Variants in TBCK observed in about 807,000 individuals in gnomAD.
TBCK encodes the protein TBC1 domain containing kinase.
A neutral mutation model predicts 113.4 loss-of-function variants in TBCK; 99 were observed. The observed-to-expected ratio is 0.87, with a 90% CI of 0.74 to 1.03. The LOEUF (loss-of-function observed/expected upper bound fraction) is 1.03, where lower values mean the gene tolerates loss of function less well. TBCK is among the 50% of genes least tolerant of loss of function. TBCK has a pLI of 0.00. For synonymous variants in TBCK, 369 were observed against 370.8 expected (o/e 1.00, Z 0.05); for missense variants, 1,045 against 1,061.3 (o/e 0.98, Z 0.21).
intron 19 of TBCK, among the ~76,000 whole-genome samples, chr4:106,216,845 G>A (rs1325803868): frequency 6.6e-6 from 1 of 150,876 alleles, no homozygotes; most frequent in Admixed American, 6.6e-5. Context: ...GAAAAAGAGG[G>A]AATCCTCCCT....
chr4:106,123,492 T>G (rs1744727239), intron 23 of TBCK, among the ~76,000 whole-genome samples: 1 of 152,116 alleles, frequency 6.6e-6, no homozygotes, highest in African/African-American at 2.4e-5. Flanking sequence ...AAGCTACCAA[T>G]GACTTTCTTC....
At chr4:106,097,524 G>C (rs1741066404) in intron 24 of TBCK, among the ~76,000 whole-genome samples, 1 of 152,140 alleles carries the variant, frequency 6.6e-6, no homozygotes, top group African/African-American at 2.4e-5. Context: ...AGAGGAGAAT[G>C]AGATTGGCCT....
At chr4:106,233,783 G>A in intron 15 of TBCK, 133 bp from the exon 16 acceptor site, 1 of 629,346 alleles carries the variant, frequency 1.6e-6, no homozygotes, top group Non-Finnish European at 2.7e-6. Context: ...TCAAACTCAG[G>A]GTAGAACTCA....
At chr4:106,302,810 A>T (rs1413651117) in intron 2 of TBCK, among the ~76,000 whole-genome samples, 3 of 152,218 alleles carry the variant, frequency 2.0e-5, no homozygotes, top group African/African-American at 7.2e-5. Flanking sequence ...AGGGATTGAA[A>T]ATATCTATTA....
intron 23 of TBCK, among the ~76,000 whole-genome samples, chr4:106,123,890 TA>T: frequency 6.7e-6 from 1 of 150,008 alleles, no homozygotes; most frequent in African/African-American, 2.5e-5. Context: ...CCTAAAACCA[TA>T]AAAACCCTAG....
chr4:106,154,593 T>C (rs1748909125), intron 23 of TBCK, among the ~76,000 whole-genome samples: 1 of 152,096 alleles, frequency 6.6e-6, no homozygotes, highest in Non-Finnish European at 1.5e-5. Context: ...GTCGCAATAG[T>C]GAGTTCTTGT....
At chr4:106,074,606 A>G (rs1737943969) in intron 25 of TBCK, among the ~76,000 whole-genome samples, 1 of 152,250 alleles carries the variant, frequency 6.6e-6, no homozygotes, top group Non-Finnish European at 1.5e-5. Flanking sequence ...TGACTAAAAG[A>G]TTCATGTATT....
intron 25 of TBCK, among the ~76,000 whole-genome samples, chr4:106,093,787 C>G (rs1740594975): frequency 6.6e-6 from 1 of 151,908 alleles, no homozygotes; most frequent in Non-Finnish European, 1.5e-5. Flanking sequence ...GACATGTTTA[C>G]CTATATAACA....
intron 16 of TBCK, 71 bp from the exon 17 acceptor site, chr4:106,233,135 C>T: frequency 7.4e-7 from 1 of 1,348,276 alleles, no homozygotes; most frequent in East Asian, 2.4e-5. Context: ...AATCCTTGTT[C>T]ATTAAATAAG....
chr4:106,176,548 T>C (rs1285717405), intron 22 of TBCK, among the ~76,000 whole-genome samples: 1 of 152,096 alleles, frequency 6.6e-6, no homozygotes, highest in Non-Finnish European at 1.5e-5. Context: ...ATTCATTGTG[T>C]TTTTATGTAC....
intron 25 of TBCK, among the ~76,000 whole-genome samples, chr4:106,092,788 G>A (rs112073387): frequency 0.041 from 6,286 of 152,256 alleles, 437 homozygotes; most frequent in African/African-American, 0.14. Flanking sequence ...ACACCTCCCC[G>A]CAGGCTGAGG....
At chr4:106,284,158 A>T (rs1427039330) in intron 3 of TBCK, among the ~76,000 whole-genome samples, 1 of 152,180 alleles carries the variant, frequency 6.6e-6, no homozygotes, top group African/African-American at 2.4e-5. Flanking sequence ...TCTAATTCAC[A>T]TGACTTCACT....
At chr4:106,248,421 T>G (rs1392899796) in intron 8 of TBCK, 115 bp from the exon 9 acceptor site, 5 of 708,424 alleles carry the variant, frequency 7.1e-6, no homozygotes, top group Non-Finnish European at 1.1e-5. Flanking sequence ...TTATTTGTAC[T>G]TTATACAAAT....
intron 23 of TBCK, among the ~76,000 whole-genome samples, chr4:106,140,717 A>T (rs959317483): frequency 5.2e-5 from 7 of 134,320 alleles, no homozygotes; most frequent in African/African-American, 7.8e-5. Flanking sequence ...GTCTAGTTAA[A>T]TTTTTTTTTT....
chr4:106,194,360 T>A lies in TBCK; in HGVS notation c.1897+358A>T, dbSNP rs1753979665. 7.2e-5 allele frequency among the ~76,000 whole-genome samples: 11 copies of A among 152,176 alleles called. No homozygotes were observed. In the South Asian group the frequency reaches 2.3e-3, roughly 32 times the overall value. On this transcript the variant is annotated intron_variant, in intron 21 of 25. Coordinates refer to ENST00000394708, the MANE Select transcript of TBCK (RefSeq NM_001163435.3). ...ATAATCTGCTTAATTTCTAGAGGAA[T>A]CCTAGTTTAAAAAATAAAAGTTACT...
chr4:106,284,307 T>C (rs1187404034), intron 3 of TBCK, among the ~76,000 whole-genome samples: 1 of 152,112 alleles, frequency 6.6e-6, no homozygotes, highest in Non-Finnish European at 1.5e-5. Flanking sequence ...CTGTAGCTCA[T>C]TATTCAACTC....
rs770765393 is a variant in TBCK, at chr4:106,138,858, T to C, written c.2236-22480A>G. Among the ~76,000 whole-genome samples the C allele has an allele frequency of 1.2e-4, 17 of 141,340 alleles. 2 individuals are homozygous for C. The highest frequency in any genetic ancestry group is 7.2e-4 in the South Asian group (3 of 4,142). The allele number at this position is 141,340 out of a possible 152,430, so 92.7% of individuals were successfully genotyped here. On this transcript the variant is annotated intron_variant, in intron 23 of 25. Transcript: ENST00000394708. ...TTGATAATTTTCTTCTGAAATGTGA[T>C]AGAGATGCTATTCACACAGCACCGT...
intron 24 of TBCK, among the ~76,000 whole-genome samples, chr4:106,107,935 T>A (rs574580034): frequency 6.6e-6 from 1 of 152,176 alleles, no homozygotes; most frequent in South Asian, 2.1e-4. Flanking sequence ...AAATGACTAA[T>A]GAAATGTAAC....
At chr4:106,153,618 T>TAG (rs1382031497) in intron 23 of TBCK, among the ~76,000 whole-genome samples, 1 of 152,120 alleles carries the variant, frequency 6.6e-6, no homozygotes, top group Non-Finnish European at 1.5e-5. Flanking sequence ...AATGCTTCTT[T>TAG]GATGATTTTC....
Sources: allele counts gnomAD v4.1 joint callset (sites outside exome capture counted in the v4.1 genomes callset), GRCh38; gene constraint gnomAD v4.1.1; transcripts MANE v1.5; gene names NCBI Gene and HGNC (gene_info 2026-07-23, HGNC 2026-07-21).